PTCHD1: variants seen among roughly 807,000 people sequenced by gnomAD.
PTCHD1 encodes patched domain-containing protein 1.
In PTCHD1, 3 loss-of-function variants were observed where a neutral mutation model predicts 34.6. The observed-to-expected ratio is 0.09, with a 90% CI of 0.04 to 0.22. PTCHD1 has a LOEUF of 0.22. Ranked by LOEUF, PTCHD1 falls within the 10% of genes least tolerant of loss-of-function variation. The probability of loss-of-function intolerance (pLI) is 1.00; values close to 1 mark genes in which losing one functional copy is unlikely to be tolerated. For synonymous variants in PTCHD1, 305 were observed against 283.1 expected, an observed-to-expected ratio of 1.08 and a Z score of -0.77; for missense variants, 504 against 685.5, an observed-to-expected ratio of 0.74 and a Z score of 2.96.
At chrX:23,375,769 T>G (rs1264266186) in intron 1 of PTCHD1, among the ~76,000 whole-genome samples, 1 of 111,809 alleles carries the variant, frequency 8.9e-6, no homozygotes, top group African/African-American at 3.3e-5. Context: ...ATGAGGATAA[T>G]AGTATCACCA....
chrX:23,336,915 C>G (rs1024854738), intron 1 of PTCHD1, among the ~76,000 whole-genome samples: 8 of 111,294 alleles, frequency 7.2e-5, no homozygotes, highest in Non-Finnish European at 1.5e-4. Flanking sequence ...GATTGATGAT[C>G]TACTAAATGA....
At chrX:23,362,858 T>C (rs899675349) in intron 1 of PTCHD1, among the ~76,000 whole-genome samples, 8 of 112,763 alleles carry the variant, frequency 7.1e-5, no homozygotes, top group African/African-American at 2.3e-4. Context: ...CCTTTCTGTT[T>C]GTTAGTTTTC....
intron 1 of PTCHD1, among the ~76,000 whole-genome samples, chrX:23,338,247 C>T (rs1030373351): frequency 4.5e-5 from 5 of 111,752 alleles, no homozygotes; most frequent in African/African-American, 1.6e-4. Flanking sequence ...AATTTCTGAA[C>T]CTCTTTACAT....
At chrX:23,390,704 C>T (rs372189742) in intron 2 of PTCHD1, among the ~76,000 whole-genome samples, 3 of 111,781 alleles carry the variant, frequency 2.7e-5, no homozygotes, top group East Asian at 2.8e-4. Flanking sequence ...TCTGAGGAAA[C>T]AGGCCTAAAT....
intron 1 of PTCHD1, among the ~76,000 whole-genome samples, chrX:23,342,292 ATATATATAT>A (rs1299898378): frequency 1.4e-4 from 1 of 7,062 alleles, no homozygotes; most frequent in Admixed American, 3.3e-3. Flanking sequence ...ATATATATAT[ATATATATAT>A]ATATATATAT....
intron 2 of PTCHD1, among the ~76,000 whole-genome samples, chrX:23,392,043 TTTTTTTTC>T: frequency 9.8e-6 from 1 of 102,500 alleles, no homozygotes; most frequent in East Asian, 3.1e-4. Flanking sequence ...TTTTCTTTCT[TTTTTTTTC>T]TTTCTTTTTT....
At chrX:23,359,919 G>A (rs139273107) in intron 1 of PTCHD1, among the ~76,000 whole-genome samples, 1,916 of 111,702 alleles carry the variant, frequency 0.017, 37 homozygotes, top group African/African-American at 0.059. Flanking sequence ...TGTGATTTTT[G>A]TCGATGGTTC....
chrX:23,370,039 GT>G (rs1192396737), intron 1 of PTCHD1, among the ~76,000 whole-genome samples: 2 of 112,291 alleles, frequency 1.8e-5, no homozygotes, highest in East Asian at 2.8e-4. Flanking sequence ...TAGAAATGGG[GT>G]TTTCTGTTTG....
At chrX:23,384,200 G>T (rs925865546) in intron 2 of PTCHD1, among the ~76,000 whole-genome samples, 1 of 112,489 alleles carries the variant, frequency 8.9e-6, no homozygotes, top group Non-Finnish European at 1.9e-5. Context: ...CGTAGTGAAA[G>T]AGTTCGGATA....
In PTCHD1 at chrX:23,394,405, CAT is replaced by C. The variant is rs1171836429; in HGVS notation, c.*222_*223del. ...GAGTTGTTATGAGAATTCACACACACATAGACACACACACACACACACACACA... is the reference window on the plus strand; with the variant it reads ...GAGTTGTTATGAGAATTCACACACACAGACACACACACACACACACACACA... On this transcript the variant is annotated 3_prime_UTR_variant, in exon 3 of 3. Transcript: ENST00000379361. 8.5e-5 allele frequency: 28 copies of C among 328,185 alleles called. No homozygotes were observed. The African/African-American group carries it at 9.9e-4, about 12-fold the overall frequency. The allele number at this position is 328,185 out of a possible 1,213,427, so 27.0% of individuals were successfully genotyped here.
At chrX:23,369,032 G>A (rs891270441) in intron 1 of PTCHD1, among the ~76,000 whole-genome samples, 6 of 111,358 alleles carry the variant, frequency 5.4e-5, no homozygotes, top group African/African-American at 9.8e-5. Flanking sequence ...CCATTGCACC[G>A]CAGCCTGGGC....
At chrX:23,358,370 A>T (rs1191325963) in intron 1 of PTCHD1, among the ~76,000 whole-genome samples, 1 of 112,189 alleles carries the variant, frequency 8.9e-6, no homozygotes, top group Admixed American at 9.4e-5. Context: ...GTGAGATGGT[A>T]TCTCATTGTG....
chrX:23,342,290 ATATATATATATATATATATATTTTTT>A (rs1296625907), intron 1 of PTCHD1, among the ~76,000 whole-genome samples: 2 of 5,992 alleles, frequency 3.3e-4, no homozygotes, highest in African/African-American at 6.5e-3. Context: ...ATATATATAT[ATATATATATATATATATATATTTTTT>A]TTTTTTTTTT....
At chrX:23,372,180 T>TG (rs1036700529) in intron 1 of PTCHD1, among the ~76,000 whole-genome samples, 19 of 109,167 alleles carry the variant, frequency 1.7e-4, no homozygotes, top group African/African-American at 6.0e-4. Context: ...AACATACTAG[T>TG]GTTTTTTTTT....
intron 2 of PTCHD1, among the ~76,000 whole-genome samples, chrX:23,382,710 C>A (rs901831375): frequency 8.9e-6 from 1 of 112,883 alleles, no homozygotes; most frequent in Non-Finnish European, 1.9e-5. Flanking sequence ...AGGAATGTTA[C>A]GTGCATTGAT....
At chrX:23,349,926 C>T (rs56074232) in intron 1 of PTCHD1, among the ~76,000 whole-genome samples, 6 of 109,126 alleles carry the variant, frequency 5.5e-5, no homozygotes, top group African/African-American at 1.7e-4. Flanking sequence ...GAGATGCCTT[C>T]TGTGCACCCA....
chrX:23,392,454 C>A, intron 2 of PTCHD1, 77 bp from the exon 3 acceptor site: 2 of 670,342 alleles, frequency 3.0e-6, no homozygotes, highest in Non-Finnish European at 4.9e-6. Flanking sequence ...CCCAGTAGTC[C>A]CTCATAATCA....
intron 1 of PTCHD1, among the ~76,000 whole-genome samples, chrX:23,370,224 T>C (rs1167219101): frequency 3.6e-5 from 4 of 111,914 alleles, no homozygotes; most frequent in Non-Finnish European, 7.5e-5. Flanking sequence ...AGCCATTACA[T>C]AATAGCTTAG....
At chrX:23,356,123 T>A (rs757368685) in intron 1 of PTCHD1, among the ~76,000 whole-genome samples, 1 of 112,210 alleles carries the variant, frequency 8.9e-6, no homozygotes, top group South Asian at 3.7e-4. Flanking sequence ...TTTCAGGACA[T>A]GCAAGGGGAA....
Sources: allele counts gnomAD v4.1 joint callset (sites outside exome capture counted in the v4.1 genomes callset), GRCh38; gene constraint gnomAD v4.1.1; transcripts MANE v1.5; gene names NCBI Gene and HGNC (gene_info 2026-07-23, HGNC 2026-07-21).